DNM3: variants seen among roughly 807,000 people sequenced by gnomAD.
The protein encoded by DNM3 is dynamin 3, also known as dynamin-3.
DNM3 carries 47 observed loss-of-function variants against 101.6 expected under a neutral mutation model. That is an observed-to-expected ratio of 0.46 (90% CI 0.37 to 0.59). The LOEUF is 0.59. Among genes scored for constraint, DNM3 ranks in the 20% least tolerant of loss-of-function variants. DNM3 has a pLI of 0.00. For missense variants in DNM3, 849 were observed against 1,085.7 expected, an observed-to-expected ratio of 0.78 and a Z score of 3.06; for synonymous variants, 385 against 387.9, an observed-to-expected ratio of 0.99 and a Z score of 0.09.
At chr1:172,333,498 T>C (rs1415772125) in intron 17 of DNM3, among the ~76,000 whole-genome samples, 1 of 152,174 alleles carries the variant, frequency 6.6e-6, no homozygotes, top group East Asian at 1.9e-4. Context: ...AAGTCACTTA[T>C]TTAGGACCCT....
intron 17 of DNM3, among the ~76,000 whole-genome samples, chr1:172,375,713 T>C (rs1297690193): frequency 6.6e-6 from 1 of 152,120 alleles, no homozygotes; most frequent in East Asian, 1.9e-4. Flanking sequence ...CCCTCACCTG[T>C]TAAAGTAGTA....
chr1:172,066,391 C>T (rs1161924497), intron 10 of DNM3, among the ~76,000 whole-genome samples: 2 of 152,142 alleles, frequency 1.3e-5, no homozygotes, highest in Non-Finnish European at 2.9e-5. Flanking sequence ...TGGTAAGGGC[C>T]TTCTTGCTGG....
chr1:172,103,222 A>T (rs2054778457), intron 13 of DNM3, among the ~76,000 whole-genome samples: 1 of 152,164 alleles, frequency 6.6e-6, no homozygotes, highest in Non-Finnish European at 1.5e-5. Flanking sequence ...CCACACACAA[A>T]GACACTGTGA....
intron 14 of DNM3, among the ~76,000 whole-genome samples, chr1:172,191,667 T>C (rs575569843): frequency 5.3e-5 from 8 of 152,312 alleles, no homozygotes; most frequent in African/African-American, 1.7e-4. Flanking sequence ...GTTCTTCCAT[T>C]TGTTTGTGTC....
At chr1:171,959,202 T>A (rs921689368) in intron 2 of DNM3, among the ~76,000 whole-genome samples, 1 of 152,184 alleles carries the variant, frequency 6.6e-6, no homozygotes, top group Non-Finnish European at 1.5e-5. Flanking sequence ...TGGAATGGTA[T>A]TGGACAGTTT....
intron 14 of DNM3, among the ~76,000 whole-genome samples, chr1:172,245,663 C>T (rs140308914): frequency 6.6e-6 from 1 of 152,300 alleles, no homozygotes; most frequent in Non-Finnish European, 1.5e-5. Context: ...TTAGAAGTCA[C>T]AGGGAGCTAG....
intron 14 of DNM3, among the ~76,000 whole-genome samples, chr1:172,184,147 A>C (rs2059444656): frequency 6.6e-6 from 1 of 152,028 alleles, no homozygotes; most frequent in Non-Finnish European, 1.5e-5. Context: ...TTATTGTTGC[A>C]ATGTTTTCTA....
chr1:171,909,005 A>G (rs2039065204), intron 1 of DNM3, among the ~76,000 whole-genome samples: 2 of 151,306 alleles, frequency 1.3e-5, no homozygotes, highest in Admixed American at 1.3e-4. Context: ...TTTAACTAAT[A>G]TTTTTGAACA....
intron 1 of DNM3, among the ~76,000 whole-genome samples, chr1:171,860,404 T>A (rs2034053350): frequency 6.6e-6 from 1 of 152,162 alleles, no homozygotes; most frequent in South Asian, 2.1e-4. Flanking sequence ...AAAGATTTGC[T>A]ATGGAAAAGA....
intron 13 of DNM3, among the ~76,000 whole-genome samples, chr1:172,111,517 C>T (rs189320866): frequency 3.7e-4 from 57 of 152,200 alleles, no homozygotes; most frequent in Admixed American, 1.9e-3. Context: ...TTATTAGTTC[C>T]AATTCTTAGT....
At chr1:172,115,708 C>A (rs1330813415) in intron 13 of DNM3, among the ~76,000 whole-genome samples, 1 of 152,202 alleles carries the variant, frequency 6.6e-6, no homozygotes, top group Non-Finnish European at 1.5e-5. Flanking sequence ...TACACCAACA[C>A]AATCCACATG....
chr1:172,162,157 T>A (rs1300602513), intron 14 of DNM3, among the ~76,000 whole-genome samples: 1 of 152,106 alleles, frequency 6.6e-6, no homozygotes, highest in African/African-American at 2.4e-5. Flanking sequence ...TAGGAATATG[T>A]GCTATTATTG....
chr1:172,063,174 A>G (rs982725869), intron 10 of DNM3, among the ~76,000 whole-genome samples: 1 of 152,188 alleles, frequency 6.6e-6, no homozygotes, highest in African/African-American at 2.4e-5. Flanking sequence ...ATTTTCTTAG[A>G]CGGTTACCTA....
intron 2 of DNM3, among the ~76,000 whole-genome samples, chr1:171,952,354 T>C (rs2042583149): frequency 6.6e-6 from 1 of 152,224 alleles, no homozygotes; most frequent in African/African-American, 2.4e-5. Flanking sequence ...GGATCTGCTA[T>C]CTGTCATGTG....
At chr1:172,345,608 G>A (rs1432304508) in intron 17 of DNM3, among the ~76,000 whole-genome samples, 1 of 152,142 alleles carries the variant, frequency 6.6e-6, no homozygotes, top group East Asian at 1.9e-4. Flanking sequence ...ATTAGAACAA[G>A]TCTTCTTTAT....
intron 15 of DNM3, among the ~76,000 whole-genome samples, chr1:172,287,171 TC>T (rs1253357747): frequency 6.6e-6 from 1 of 152,222 alleles, no homozygotes; most frequent in Non-Finnish European, 1.5e-5. Context: ...AACTCATCAC[TC>T]CCGCATTTTC....
At chr1:171,911,529 C>T (rs888605721) in intron 1 of DNM3, among the ~76,000 whole-genome samples, 11 of 152,114 alleles carry the variant, frequency 7.2e-5, no homozygotes, top group Admixed American at 1.3e-4. Context: ...GTGATCCGCC[C>T]GCCTCGGCCT....
At chr1:172,319,312 C>T (rs1345423002) in intron 16 of DNM3, among the ~76,000 whole-genome samples, 9 of 151,972 alleles carry the variant, frequency 5.9e-5, no homozygotes. Flanking sequence ...CATTACCATT[C>T]AGGACATAGG....
chr1:171,940,460 A>G (rs567116904), intron 2 of DNM3, among the ~76,000 whole-genome samples: 15 of 152,314 alleles, frequency 9.8e-5, no homozygotes, highest in Non-Finnish European at 1.8e-4. Context: ...TAATATTTAA[A>G]GAGACCTGAG....
Sources: gnomAD v4.1 joint callset for allele counts (sites outside exome capture counted in the v4.1 genomes callset) on GRCh38, gnomAD v4.1.1 for gene constraint, MANE v1.5 for transcripts, NCBI Gene and HGNC (gene_info 2026-07-23, HGNC 2026-07-21) for gene names.